The following GLRA3 variants were observed in gnomAD, a reference collection of about 807,000 sequenced individuals.
The protein encoded by GLRA3 is glycine receptor alpha 3.
In GLRA3, 44 loss-of-function variants were observed where a neutral mutation model predicts 60.4. The observed-to-expected ratio is 0.73, with a 90% CI of 0.57 to 0.94. The LOEUF is 0.94. Ranked by LOEUF, GLRA3 falls within the 40% of genes least tolerant of loss-of-function variation. The pLI, the probability that GLRA3 is intolerant of heterozygous loss-of-function variation, is 0.00. For synonymous variants in GLRA3, 223 were observed against 192.9 expected, an observed-to-expected ratio of 1.16 and a Z score of -1.29; for missense variants, 508 against 564.6, an observed-to-expected ratio of 0.90 and a Z score of 1.02.
chr4:174,791,977 A>T (rs1739363808), intron 1 of GLRA3, among the ~76,000 whole-genome samples: 1 of 152,162 alleles, frequency 6.6e-6, no homozygotes, highest in Admixed American at 6.5e-5. Context: ...TTGAACATGG[A>T]TTTTATTAAT....
chr4:174,716,833 C>T (rs1211618675), intron 4 of GLRA3, among the ~76,000 whole-genome samples: 1 of 152,094 alleles, frequency 6.6e-6, no homozygotes, highest in Non-Finnish European at 1.5e-5. Flanking sequence ...TTCAGCCACT[C>T]CTAGACTCCT....
intron 6 of GLRA3, 132 bp from the exon 7 acceptor site, chr4:174,677,424 A>T (rs1266094101): frequency 1.6e-6 from 1 of 608,024 alleles, no homozygotes; most frequent in East Asian, 2.8e-5. Context: ...AAGTGGCATG[A>T]TCTCAGCTCA....
intron 8 of GLRA3, among the ~76,000 whole-genome samples, chr4:174,657,589 G>T (rs1310025044): frequency 1.3e-5 from 2 of 152,038 alleles, no homozygotes; most frequent in African/African-American, 2.4e-5. Flanking sequence ...TACAGCATTT[G>T]TACTGTCGTT....
intron 4 of GLRA3, among the ~76,000 whole-genome samples, chr4:174,726,653 A>T (rs1371418368): frequency 6.6e-6 from 1 of 152,144 alleles, no homozygotes; most frequent in Non-Finnish European, 1.5e-5. Context: ...ATTCACCTCC[A>T]CGTTGTTCCT....
chr4:174,784,198 T>C (rs1372420403), intron 2 of GLRA3, among the ~76,000 whole-genome samples: 1 of 72,792 alleles, frequency 1.4e-5, no homozygotes, highest in Admixed American at 1.3e-4. Flanking sequence ...AAATCATCAT[T>C]CTCAGTAAAC....
intron 5 of GLRA3, among the ~76,000 whole-genome samples, chr4:174,701,950 C>T (rs1427175457): frequency 3.3e-5 from 5 of 152,168 alleles, no homozygotes; most frequent in South Asian, 2.1e-4. Context: ...GTGAAGACAC[C>T]GTGAACATTG....
At chr4:174,700,548 A>G (rs1398353986) in intron 5 of GLRA3, among the ~76,000 whole-genome samples, 1 of 152,226 alleles carries the variant, frequency 6.6e-6, no homozygotes, top group Non-Finnish European at 1.5e-5. Flanking sequence ...AGGAAAAGCA[A>G]CACATCTCTC....
intron 1 of GLRA3, among the ~76,000 whole-genome samples, chr4:174,809,872 A>G (rs889586069): frequency 1.3e-5 from 2 of 152,198 alleles, no homozygotes; most frequent in African/African-American, 4.8e-5. Context: ...TCCATATGCA[A>G]ATTTTACTTT....
chr4:174,757,373 C>G (rs926209656), intron 3 of GLRA3, among the ~76,000 whole-genome samples: 33 of 152,128 alleles, frequency 2.2e-4, no homozygotes, highest in Admixed American at 4.6e-4. Context: ...GTGATCAGAT[C>G]TGGGTTTCTA....
intron 1 of GLRA3, among the ~76,000 whole-genome samples, chr4:174,792,932 C>T (rs376930348): frequency 6.6e-6 from 1 of 152,076 alleles, no homozygotes; most frequent in Non-Finnish European, 1.5e-5. Flanking sequence ...TATTGGTTTA[C>T]GTTGTCACCA....
At chr4:174,802,840 T>TGTCAGTA (rs1182849093) in intron 1 of GLRA3, among the ~76,000 whole-genome samples, 131 of 152,258 alleles carry the variant, frequency 8.6e-4, no homozygotes, top group Non-Finnish European at 1.0e-4. Context: ...ATTGAAATGC[T>TGTCAGTA]GTCAGTATCT....
At chr4:174,678,916 A>G (rs1734230655) in intron 6 of GLRA3, among the ~76,000 whole-genome samples, 1 of 152,220 alleles carries the variant, frequency 6.6e-6, no homozygotes, top group Non-Finnish European at 1.5e-5. Flanking sequence ...AATTAGTAAC[A>G]AATACTAACC....
chr4:174,750,581 C>T (rs958843756), intron 3 of GLRA3, among the ~76,000 whole-genome samples: 1 of 152,066 alleles, frequency 6.6e-6, no homozygotes, highest in African/African-American at 2.4e-5. Context: ...TGATGGCTGT[C>T]CTCTGTAAGC....
At chr4:174,713,112 T>A (rs2111087763) in intron 5 of GLRA3, among the ~76,000 whole-genome samples, 1 of 152,212 alleles carries the variant, frequency 6.6e-6, no homozygotes, top group South Asian at 2.1e-4. Context: ...AGAGGTTTAA[T>A]AAACAAAGTC....
At chr4:174,764,798 A>G (rs1738077102) in intron 3 of GLRA3, among the ~76,000 whole-genome samples, 1 of 152,074 alleles carries the variant, frequency 6.6e-6, no homozygotes, top group African/African-American at 2.4e-5. Context: ...ACAAGTTCTA[A>G]TTTTCTTTGT....
intron 1 of GLRA3, among the ~76,000 whole-genome samples, chr4:174,801,298 C>A (rs1012163422): frequency 6.6e-6 from 1 of 152,010 alleles, no homozygotes; most frequent in African/African-American, 2.4e-5. Flanking sequence ...TCTAATGACA[C>A]GTCCCTTGGT....
At chr4:174,736,863 T>A (rs1452357758) in intron 3 of GLRA3, among the ~76,000 whole-genome samples, 2 of 152,014 alleles carry the variant, frequency 1.3e-5, no homozygotes, top group African/African-American at 4.8e-5. Context: ...ATGAAAACAA[T>A]AGCTACTATT....
chr4:174,777,914 A>C (rs1335130770), intron 2 of GLRA3, among the ~76,000 whole-genome samples: 1 of 152,158 alleles, frequency 6.6e-6, no homozygotes, highest in African/African-American at 2.4e-5. Context: ...GAAAATATAT[A>C]AGCATTACTC....
At chr4:174,706,313 A>G (rs764128068) in intron 5 of GLRA3, among the ~76,000 whole-genome samples, 16 of 152,202 alleles carry the variant, frequency 1.1e-4, no homozygotes, top group Non-Finnish European at 2.1e-4. Context: ...ATCTTCAGGA[A>G]ACACATTTTA....
Sources: allele counts gnomAD v4.1 joint callset (sites outside exome capture counted in the v4.1 genomes callset), GRCh38; gene constraint gnomAD v4.1.1; transcripts MANE v1.5; gene names NCBI Gene and HGNC (gene_info 2026-07-23, HGNC 2026-07-21).